The following DGKH variants were observed in gnomAD, a reference collection of about 807,000 sequenced individuals.
DGKH encodes DAG kinase eta.
DGKH carries 90 observed loss-of-function variants against 159.3 expected under a neutral mutation model. The observed-to-expected ratio is 0.57, with a 90% confidence interval of 0.48 to 0.67. DGKH has a LOEUF of 0.67. Among genes scored for constraint, DGKH ranks in the 30% least tolerant of loss-of-function variants. The pLI, the probability that DGKH is intolerant of heterozygous loss-of-function variation, is 0.00. For synonymous variants in DGKH, 536 were observed against 553.8 expected (o/e 0.97, Z 0.45); for missense variants, 1,181 against 1,506.1 (o/e 0.78, Z 3.57).
intron 1 of DGKH, among the ~76,000 whole-genome samples, chr13:42,105,613 T>A (rs1188602910): frequency 6.6e-6 from 1 of 152,256 alleles, no homozygotes; most frequent in Non-Finnish European, 1.5e-5. Context: ...AAGTATTGTC[T>A]GAGTTGTCAT....
chr13:42,214,934 T>C (rs1957751574), intron 25 of DGKH, among the ~76,000 whole-genome samples: 1 of 152,156 alleles, frequency 6.6e-6, no homozygotes, highest in Non-Finnish European at 1.5e-5. Context: ...CTGTACCTTG[T>C]TAAAGGGCAA....
intron 14 of DGKH, among the ~76,000 whole-genome samples, chr13:42,187,669 C>T (rs911792861): frequency 6.6e-6 from 1 of 152,206 alleles, no homozygotes; most frequent in African/African-American, 2.4e-5. Context: ...AGCCACCACA[C>T]CTGGCCATGA....
chr13:42,123,378 G>C (rs1955111178), intron 1 of DGKH, among the ~76,000 whole-genome samples: 1 of 152,128 alleles, frequency 6.6e-6, no homozygotes, highest in South Asian at 2.1e-4. Context: ...GAGATTAATA[G>C]TCATGCATGT....
chr13:42,203,000 G>C (rs1444771793), intron 20 of DGKH, among the ~76,000 whole-genome samples: 2 of 152,096 alleles, frequency 1.3e-5, no homozygotes, highest in African/African-American at 2.4e-5. Flanking sequence ...GTCTTCATCT[G>C]TAGGCTATAA....
At chr13:42,114,652 G>T (rs1409709739) in intron 1 of DGKH, among the ~76,000 whole-genome samples, 2 of 152,182 alleles carry the variant, frequency 1.3e-5, no homozygotes, top group Admixed American at 1.3e-4. Flanking sequence ...GATAAGATCG[G>T]TGTTCTAAGA....
chr13:42,148,944 C>CTTTTTTTTT (rs11287579), intron 3 of DGKH, among the ~76,000 whole-genome samples: 1 of 80,102 alleles, frequency 1.2e-5, no homozygotes, highest in Non-Finnish European at 2.4e-5. Context: ...CCCGCCCCTT[C>CTTTTTTTTT]TTTTTTTTTT....
intron 16 of DGKH, among the ~76,000 whole-genome samples, chr13:42,191,359 G>A (rs571181142): frequency 2.9e-4 from 44 of 152,132 alleles, no homozygotes; most frequent in Non-Finnish European, 4.4e-4. Context: ...AGAAGTGGGA[G>A]GGTAGGAATG....
At chr13:42,252,864 C>T (rs1958630452) in intron 30 of DGKH, among the ~76,000 whole-genome samples, 1 of 151,970 alleles carries the variant, frequency 6.6e-6, no homozygotes, top group Non-Finnish European at 1.5e-5. Context: ...TCTTCTGCCT[C>T]AGCCTCCCAA....
Position 42,230,924 on chromosome 13 carries a change from T to C in DGKH, c.*1736T>C, listed in dbSNP as rs1396061660. The C allele has an allele frequency of 1.3e-5, 2 of 152,196 alleles. No individual in the cohort carries two copies. The highest frequency in any genetic ancestry group is 1.9e-4 in the East Asian group (1 of 5,204). 9.4% of individuals were successfully genotyped at this position (152,196 alleles called of 1,614,324 possible). A position where few individuals can be genotyped will look rare whatever the true frequency, so the allele number is the denominator to read the frequency against. On this transcript the variant is annotated 3_prime_UTR_variant, in exon 30 of 30. Coordinates refer to ENST00000337343, the MANE Select transcript of DGKH (RefSeq NM_178009.5). ...GTTTATAACTTGGGTATTTAACTAC[T>C]AGTAAAAATCACAAAATTTTAATGT... is the stretch of plus-strand genomic sequence containing the variant.
intron 1 of DGKH, among the ~76,000 whole-genome samples, chr13:42,041,145 G>T (rs1880477618): frequency 6.6e-6 from 1 of 152,186 alleles, no homozygotes; most frequent in Non-Finnish European, 1.5e-5. Flanking sequence ...CCGAGGAACC[G>T]CTGGCAAACC....
chr13:42,116,863 A>C (rs191314533), intron 1 of DGKH, among the ~76,000 whole-genome samples: 1 of 152,276 alleles, frequency 6.6e-6, no homozygotes, highest in Admixed American at 6.5e-5. Flanking sequence ...AAACAGTTAC[A>C]GAAAGCCAGC....
upstream of DGKH, among the ~76,000 whole-genome samples, chr13:42,047,099 C>T (rs978303180): frequency 6.6e-6 from 1 of 152,204 alleles, no homozygotes; most frequent in Non-Finnish European, 1.5e-5. Context: ...TTGCCCAACT[C>T]CTTCCTTTCC....
intron 29 of DGKH, chr13:42,225,217 C>T: frequency 6.7e-7 from 1 of 1,493,150 alleles, no homozygotes; most frequent in Non-Finnish European, 9.0e-7. Flanking sequence ...GCCACCATGC[C>T]CAGCCAGGAA....
chr13:42,159,453 G>GCATTCCTACTTATCT, intron 6 of DGKH, 81 bp downstream of exon 6: 5 of 981,534 alleles, frequency 5.1e-6, no homozygotes, highest in Non-Finnish European at 6.4e-6. Flanking sequence ...AGAAAGATAA[G>GCATTCCTACTTATCT]TAGGAATGCT....
chr13:42,187,017 T>C (rs1956947810), intron 13 of DGKH, 32 bp from the exon 14 acceptor site: 1 of 1,568,890 alleles, frequency 6.4e-7, no homozygotes, highest in Non-Finnish European at 8.8e-7. Context: ...TTCATGAAGC[T>C]TACTAAATTG....
intron 3 of DGKH, among the ~76,000 whole-genome samples, chr13:42,153,053 C>A (rs963959123): frequency 2.3e-5 from 3 of 132,522 alleles, no homozygotes; most frequent in Admixed American, 7.1e-5. Flanking sequence ...GTTTTTTTTG[C>A]CTCTGGAAAA....
chr13:42,169,506 A>G (rs1326678848), intron 11 of DGKH, among the ~76,000 whole-genome samples: 4 of 152,224 alleles, frequency 2.6e-5, no homozygotes, highest in Non-Finnish European at 5.9e-5. Context: ...AAGGAACAAC[A>G]GGACTCAGTA....
chr13:42,051,689 C>G (rs1881325544), intron 1 of DGKH, among the ~76,000 whole-genome samples: 1 of 101,632 alleles, frequency 9.8e-6, no homozygotes, highest in Admixed American at 1.5e-4. Flanking sequence ...GATGGAGTTT[C>G]ACTCTTGTTG....
chr13:42,151,520 T>C lies in DGKH; in HGVS notation c.385-3771T>C, dbSNP rs1566134498. ...GTGTGTGTGTGTATACACATGTATA[T>C]ATATACACGTGTATATATATATATA... is the stretch of plus-strand genomic sequence containing the variant. On this transcript the variant is annotated intron_variant, in intron 3 of 29. Transcript: ENST00000337343. 3.9e-3 allele frequency among the ~76,000 whole-genome samples: 421 copies of C among 109,306 alleles called. 2 individuals carry two copies. The highest frequency in any genetic ancestry group is 6.6e-3 in the East Asian group (16 of 2,426). 71.7% of individuals were successfully genotyped at this position (109,306 alleles called of 152,430 possible).
Sources: gnomAD v4.1 joint callset for allele counts (sites outside exome capture counted in the v4.1 genomes callset) on GRCh38, gnomAD v4.1.1 for gene constraint, MANE v1.5 for transcripts, NCBI Gene and HGNC (gene_info 2026-07-23, HGNC 2026-07-21) for gene names.